The following GRK6 variants were observed in gnomAD, a reference collection of about 807,000 sequenced individuals.
GRK6 encodes G protein-coupled receptor kinase 6.
In GRK6, 37 loss-of-function variants were observed where a neutral mutation model predicts 80.8. The observed-to-expected ratio is 0.46, with a 90% CI of 0.35 to 0.60. The LOEUF (loss-of-function observed/expected upper bound fraction) is 0.60, where lower values mean the gene tolerates loss of function less well. Ranked by LOEUF, GRK6 falls within the 20% of genes least tolerant of loss-of-function variation. GRK6 has a pLI of 0.00. For missense variants in GRK6, 560 were observed against 784.6 expected (o/e 0.71, Z 3.42); for synonymous variants, 295 against 320.9 (o/e 0.92, Z 0.86).
At chr5:177,431,745 G>C in intron 2 of GRK6, 2 of 562,066 alleles carry the variant, frequency 3.6e-6, no homozygotes, top group South Asian at 2.0e-5. Flanking sequence ...GAGGTGGATG[G>C]AGGCCTGGGC....
At position 177,436,547 on chromosome 5, in the gene GRK6, C is replaced by G. The variant is rs766403929; in HGVS notation, c.1404+17C>G. 1 of 1,558,410 alleles carries G rather than the reference C, an allele frequency of 6.4e-7. No homozygotes were observed. The highest frequency in any genetic ancestry group is 1.2e-5 in the South Asian group (1 of 82,546). ...AAGCCTGACGTGAGTGCAGCCCACT[C>G]CTGCTGAGGGCGGGGCCCAGCCAGG... On this transcript the variant is annotated intron_variant, in intron 13 of 15. Transcript: ENST00000355472.
At chr5:177,431,344 C>T (rs1763880287) in intron 2 of GRK6, among the ~76,000 whole-genome samples, 1 of 152,176 alleles carries the variant, frequency 6.6e-6, no homozygotes, top group Admixed American at 6.5e-5. Flanking sequence ...CGTAGCCTCC[C>T]AGGCCCAGCC....
In GRK6 at chr5:177,427,385, T is replaced by C. The variant is rs78937127; in HGVS notation, c.52+488T>C. On this transcript the variant is annotated intron_variant, in intron 1 of 15. Coordinates refer to ENST00000355472, the MANE Select transcript of GRK6 (RefSeq NM_001004106.3). ...AACTCCTGGCCACAAATGCTACTTA[T>C]AGGACTGCCACTTGCTCCGTGCCTC... Among the ~76,000 whole-genome samples the C allele has an allele frequency of 2.3e-3, 349 of 152,326 alleles. 8 individuals carry two copies. The East Asian group carries it at 0.057, about 25-fold the overall frequency.
chr5:177,437,658 G>C (rs996167435), intron 13 of GRK6, among the ~76,000 whole-genome samples: 2 of 152,238 alleles, frequency 1.3e-5, no homozygotes, highest in Non-Finnish European at 2.9e-5. Flanking sequence ...GCCAGCTCCA[G>C]GGTTTCCTGC....
chr5:177,440,872 G>A (rs751646899), intron 14 of GRK6, 35 bp downstream of exon 14: 15 of 1,613,608 alleles, frequency 9.3e-6, no homozygotes, highest in Non-Finnish European at 1.2e-5. Context: ...GTGGGCTCCA[G>A]GAGGCTGCCC....
intron 12 of GRK6, 53 bp downstream of exon 12, chr5:177,436,334 T>TTCCCCCC: frequency 1.3e-6 from 2 of 1,556,030 alleles, no homozygotes; most frequent in Non-Finnish European, 1.8e-6. Flanking sequence ...GATGCACCTT[T>TTCCCCCC]CCCTCCCTCC....
At chr5:177,430,293 G>C (rs1763831176) in intron 1 of GRK6, among the ~76,000 whole-genome samples, 1 of 152,240 alleles carries the variant, frequency 6.6e-6, no homozygotes, top group Non-Finnish European at 1.5e-5. Flanking sequence ...CTGCAGATGG[G>C]GTGTCTGCGA....
intron 13 of GRK6, among the ~76,000 whole-genome samples, chr5:177,437,551 T>C (rs1343768214): frequency 6.6e-6 from 1 of 152,194 alleles, no homozygotes; most frequent in Non-Finnish European, 1.5e-5. Flanking sequence ...GAGTATCCTC[T>C]AGTTGTCAGA....
chr5:177,434,028 GA>G lies in GRK6; in HGVS notation c.855del (p.Ala286ArgfsTer27). 1 of 1,612,206 alleles carries G rather than the reference GA, an allele frequency of 6.2e-7. No homozygotes were observed. Among genetic ancestry groups the G allele is most frequent in the Non-Finnish European group, 8.5e-7 (1 of 1,179,412 alleles). ...IYHMGQAGFP[E>X]ARAVFYAAEI... ...CCACATGGGCCAGGCTGGCTTCCCCGAAGCGCGGGCCGTCTTCTACGCCGCC... is the reference window on the plus strand; with the variant it reads ...CCACATGGGCCAGGCTGGCTTCCCCGAGCGCGGGCCGTCTTCTACGCCGCC... On this transcript the variant is annotated frameshift_variant, in exon 9 of 16. Coordinates refer to ENST00000355472, the MANE Select transcript of GRK6 (RefSeq NM_001004106.3). LOFTEE classifies it high-confidence loss of function.
chr5:177,435,790 G>T (rs1764113611), intron 11 of GRK6, among the ~76,000 whole-genome samples: 1 of 152,232 alleles, frequency 6.6e-6, no homozygotes, highest in Admixed American at 6.5e-5. Flanking sequence ...GCCTACATTT[G>T]TGTTTAAGTC....
chr5:177,431,619 A>T (rs1581676102), intron 2 of GRK6: 1 of 268,174 alleles, frequency 3.7e-6, no homozygotes, highest in East Asian at 1.1e-4. Flanking sequence ...CACTTTCGCC[A>T]GGCAGGCAGC....
chr5:177,426,104 T>TGCGATGTGC (rs1315030504), upstream of GRK6, among the ~76,000 whole-genome samples: 1 of 152,160 alleles, frequency 6.6e-6, no homozygotes. Context: ...CTCCTCCCTG[T>TGCGATGTGC]CTCTCCCTCT....
chr5:177,431,858 G>A, intron 2 of GRK6, 137 bp from the exon 3 acceptor site: 2 of 765,740 alleles, frequency 2.6e-6, no homozygotes, highest in Non-Finnish European at 4.5e-6. Context: ...TTGTGGTGAG[G>A]GTTCTGAAGA....
chr5:177,440,942 A>C lies in GRK6; in HGVS notation c.1566A>C (p.Gln522His). 6.2e-7 allele frequency: 1 copy of C among 1,613,716 alleles called. No homozygotes were observed. The highest frequency in any genetic ancestry group is 8.5e-7 in the Non-Finnish European group (1 of 1,179,920). ...AGATGGTGGAGACCGAGTGCTTCCA[A>C]GAGCTGAATGTCTTTGGGCTGGATG... ...QNEMVETECF[Q>H]ELNVFGLDGS... is the part of the protein sequence containing the mutation. The change falls in exon 15 of 16, where the codon CAA becomes CAC. Residue 522 changes from glutamine to histidine, a missense_variant. This residue lies in a region of GRK6 where 294 missense variants were observed against 397.4 expected (regional missense o/e 0.74). Transcript: ENST00000355472.
rs141014084 is a variant in GRK6 at position 177,430,911 on chromosome 5, G to A, written c.92G>A (p.Arg31Gln). 1.3e-5 allele frequency: 21 copies of A among 1,613,952 alleles called. No homozygotes were observed. Among genetic ancestry groups the A allele is most frequent in the African/African-American group, 2.7e-5 (2 of 74,938 alleles). Residue 31 changes from arginine to glutamine, a missense_variant, in exon 2 of 16, where the codon CGG becomes CAG. By Grantham distance (43) the Arg-to-Gln change is conservative. This residue lies in a region of GRK6 where 189 missense variants were observed against 230.2 expected (regional missense o/e 0.82). Coordinates refer to ENST00000355472, the MANE Select transcript of GRK6 (RefSeq NM_001004106.3). ...CGCAAAGGCAAAAGCAAGAAATGGC[G>A]GCAGATGCTCCAGTTCCCTCACATC... ...GNRKGKSKKW[R>Q]QMLQFPHISQ...
Position 177,428,025 on chromosome 5 carries a change from A to G in GRK6, c.52+1128A>G, listed in dbSNP as rs1763738638. Among the ~76,000 whole-genome samples the G allele has an allele frequency of 6.6e-6, 1 of 152,174 alleles. No homozygotes were observed. The highest frequency in any genetic ancestry group is 1.5e-5 in the Non-Finnish European group (1 of 68,022). ...AGAGGAACTTTCAGCTGGGTGCTACACCTGGCACCCCGTGCCCACCAAGTG... is the reference window on the plus strand; with the variant it reads ...AGAGGAACTTTCAGCTGGGTGCTACGCCTGGCACCCCGTGCCCACCAAGTG... On this transcript the variant is annotated intron_variant, in intron 1 of 15. Transcript: ENST00000355472. This position sits in a 1 kb window ranked among gnomAD's most constrained non-coding sequence, Gnocchi z 4.1.
At chr5:177,433,111 G>C (rs764140208) in intron 5 of GRK6, 36 bp from the exon 6 acceptor site, 1 of 1,569,444 alleles carries the variant, frequency 6.4e-7, no homozygotes, top group African/African-American at 1.3e-5. Context: ...GGTGTCAGGG[G>C]CTGGCGGGTG....
In GRK6 at chr5:177,441,898, G is replaced by A; in HGVS notation, c.*108G>A. On this transcript the variant is annotated 3_prime_UTR_variant, in exon 16 of 16. Coordinates refer to ENST00000355472, the MANE Select transcript of GRK6 (RefSeq NM_001004106.3). ...CATTGTCCACTCAAGTCGTGGCCTG[G>A]GGAACACAGACGGAGCTGTCCCCAG... 1 of 1,051,608 alleles carries A rather than the reference G, an allele frequency of 9.5e-7. No homozygotes were observed. Among genetic ancestry groups the A allele is most frequent in the Non-Finnish European group, 1.4e-6 (1 of 691,536 alleles). The allele number at this position is 1,051,608 out of a possible 1,614,324, so 65.1% of individuals were successfully genotyped here.
chr5:177,430,045 T>TG (rs1312111746), intron 1 of GRK6, among the ~76,000 whole-genome samples: 1 of 151,280 alleles, frequency 6.6e-6, no homozygotes, highest in Non-Finnish European at 1.5e-5. Context: ...TTAAACAAAA[T>TG]GGGGGCCAAT....
Sources: gnomAD v4.1 joint callset for allele counts (sites outside exome capture counted in the v4.1 genomes callset) on GRCh38, gnomAD v4.1.1 for gene constraint, gnomAD v4.1.1 regional missense constraint, Gnocchi (gnomAD v3.1) non-coding constraint, MANE v1.5 for transcripts, NCBI Gene and HGNC (gene_info 2026-07-23, HGNC 2026-07-21) for gene names.